ATXN7L1: variants seen among roughly 807,000 people sequenced by gnomAD.
ATXN7L1 encodes the protein ataxin 7 like 1, also known as ataxin-7-like protein 1.
In ATXN7L1, 15 loss-of-function variants were observed where a neutral mutation model predicts 70.8. The ratio of observed to expected loss-of-function variants is 0.21; its 90% CI spans 0.14 to 0.33. The LOEUF is 0.33. ATXN7L1 is among the 10% of genes least tolerant of loss of function. The pLI is 1.00. For synonymous variants in ATXN7L1, 440 were observed against 445.1 expected, an observed-to-expected ratio of 0.99 and a Z score of 0.14; for missense variants, 975 against 1,097.1, an observed-to-expected ratio of 0.89 and a Z score of 1.57.
At chr7:105,785,788 C>G (rs1171627494) in intron 3 of ATXN7L1, among the ~76,000 whole-genome samples, 1 of 152,108 alleles carries the variant, frequency 6.6e-6, no homozygotes, top group South Asian at 2.1e-4. Context: ...CTCTTTCCAC[C>G]ATGTGAGGAC....
rs573901930 is a variant in ATXN7L1, at chr7:105,822,173, C to T, written c.251-33465G>A. On this transcript the variant is annotated intron_variant, in intron 2 of 11. Coordinates refer to ENST00000419735, the MANE Select transcript of ATXN7L1 (RefSeq NM_020725.2). ...ATAATGTCAGCTGGGCACAGTGGCA[C>T]ACAGCTGTAGCTCCAGCTACTTGGG... 2.0e-5 allele frequency among the ~76,000 whole-genome samples: 3 copies of T among 152,320 alleles called. No individual in the cohort carries two copies. In the South Asian group the frequency reaches 6.2e-4, roughly 32 times the overall value.
In ATXN7L1 at chr7:105,605,406, G is replaced by A. The variant is rs2115678090; in HGVS notation, c.*2446C>T. ...ACTGTGGGCTTTCCCTTTTTGCCCAGTTTTCCAGAAATATCCTCACCTTGG... is the reference window on the plus strand; with the variant it reads ...ACTGTGGGCTTTCCCTTTTTGCCCAATTTTCCAGAAATATCCTCACCTTGG... On this transcript the variant is annotated 3_prime_UTR_variant, in exon 12 of 12. Coordinates refer to ENST00000419735, the MANE Select transcript of ATXN7L1 (RefSeq NM_020725.2). 1 of 139,878 alleles carries A rather than the reference G, an allele frequency of 7.1e-6. No homozygotes were observed. Among genetic ancestry groups the A allele is most frequent in the East Asian group, 2.2e-4 (1 of 4,588 alleles). 8.7% of individuals were successfully genotyped at this position (139,878 alleles called of 1,614,324 possible).
chr7:105,763,328 T>C (rs1197890408), intron 3 of ATXN7L1, among the ~76,000 whole-genome samples: 4 of 152,176 alleles, frequency 2.6e-5, no homozygotes, highest in African/African-American at 9.7e-5. Context: ...CCTCACAGTC[T>C]CAAGGACTCT....
chr7:105,862,020 T>C (rs1816714757), intron 2 of ATXN7L1, among the ~76,000 whole-genome samples: 1 of 152,056 alleles, frequency 6.6e-6, no homozygotes, highest in South Asian at 2.1e-4. Context: ...CTGCAAAAGA[T>C]GATGAGGAAG....
At chr7:105,772,142 C>T (rs1309993499) in intron 3 of ATXN7L1, among the ~76,000 whole-genome samples, 6 of 136,712 alleles carry the variant, frequency 4.4e-5, no homozygotes, top group Non-Finnish European at 6.0e-5. Flanking sequence ...GGCACGATCT[C>T]GGCTTACTGC....
At chr7:105,657,218 C>T (rs1393749200) in intron 4 of ATXN7L1, among the ~76,000 whole-genome samples, 2 of 152,152 alleles carry the variant, frequency 1.3e-5, no homozygotes, top group South Asian at 4.1e-4. Context: ...CCACCACAGA[C>T]CCAGCAGCAC....
intron 3 of ATXN7L1, among the ~76,000 whole-genome samples, chr7:105,692,863 A>G (rs1563010663): frequency 6.6e-6 from 1 of 151,468 alleles, no homozygotes; most frequent in Non-Finnish European, 1.5e-5. Flanking sequence ...TCAGCCTCCT[A>G]AGGAGCCGCA....
At position 105,638,371 on chromosome 7, in the gene ATXN7L1, G is replaced by T. The variant is rs1053345851; in HGVS notation, c.1184C>A (p.Pro395His). 6.4e-7 allele frequency: 1 copy of T among 1,551,852 alleles called. No homozygotes were observed. The highest frequency in any genetic ancestry group is 1.2e-5 in the South Asian group (1 of 84,042). Residue 395 changes from proline (P) to histidine (H), a missense_variant, in exon 7 of 12, where the codon CCC (proline) becomes CAC (histidine). Pro to His is a moderately conservative substitution (Grantham distance 77). Transcript: ENST00000419735. The part of the protein sequence containing the change: ...KVASPAKSRP[P>H]NSVLPRPSSA... ...TACTTACCTAGGAAGTACAGAGTTG[G>T]GTGGTCTGGATTTTGCAGGGGATGC...
At chr7:105,664,575 G>GTGTGTATGTGTGTATATATATA in intron 4 of ATXN7L1, among the ~76,000 whole-genome samples, 1 of 131,990 alleles carries the variant, frequency 7.6e-6, no homozygotes, top group African/African-American at 2.8e-5. Context: ...GTATGTGTGT[G>GTGTGTATGTGTGTATATATATA]TATATATATA....
intron 3 of ATXN7L1, among the ~76,000 whole-genome samples, chr7:105,734,015 C>A (rs185278231): frequency 7.9e-5 from 12 of 151,798 alleles, no homozygotes; most frequent in Admixed American, 1.3e-4. Flanking sequence ...CAAATTCCAG[C>A]CACTGCATAT....
chr7:105,700,935 G>A lies in ATXN7L1; in HGVS notation c.356-35647C>T, dbSNP rs1240325623. 3.3e-5 allele frequency among the ~76,000 whole-genome samples: 5 copies of A among 152,138 alleles called. No individual in the cohort carries two copies. In the East Asian group the frequency reaches 5.8e-4, roughly 18 times the overall value. On this transcript the variant is annotated intron_variant, in intron 3 of 11. Coordinates refer to ENST00000419735, the MANE Select transcript of ATXN7L1 (RefSeq NM_020725.2). ...GAGTTCAAGTGATCTGCCTGCCTTC[G>A]TCTCCCAAAGTGCTGGGATTATAGG...
intron 2 of ATXN7L1, among the ~76,000 whole-genome samples, chr7:105,850,343 G>A (rs752936249): frequency 6.6e-6 from 1 of 152,186 alleles, no homozygotes; most frequent in African/African-American, 2.4e-5. Context: ...CACAGGAGAG[G>A]ACCATGAGGA....
intron 3 of ATXN7L1, chr7:105,679,193 A>T (rs1251974411): frequency 5.2e-6 from 5 of 956,512 alleles, no homozygotes; most frequent in Non-Finnish European, 6.2e-6. Flanking sequence ...TTAAGAGAGC[A>T]CGCCCAGACG....
At chr7:105,741,633 T>C (rs1798030642) in intron 3 of ATXN7L1, among the ~76,000 whole-genome samples, 1 of 152,108 alleles carries the variant, frequency 6.6e-6, no homozygotes, top group Admixed American at 6.5e-5. Context: ...GGAGGAATTG[T>C]GAGTTTTATG....
intron 3 of ATXN7L1, among the ~76,000 whole-genome samples, chr7:105,748,434 C>G (rs1485267701): frequency 6.6e-6 from 1 of 152,116 alleles, no homozygotes; most frequent in Non-Finnish European, 1.5e-5. Flanking sequence ...TAGATCCGAC[C>G]ATCTTAGGGA....
intron 3 of ATXN7L1, among the ~76,000 whole-genome samples, chr7:105,705,433 A>C (rs182939310): frequency 1.3e-5 from 2 of 152,252 alleles, no homozygotes; most frequent in Non-Finnish European, 2.9e-5. Flanking sequence ...TTGGGGGAAA[A>C]ACTAGATGGA....
intron 1 of ATXN7L1, 57 bp from the exon 2 acceptor site, chr7:105,875,937 C>T: frequency 6.6e-7 from 1 of 1,510,218 alleles, no homozygotes; most frequent in Non-Finnish European, 9.2e-7. Context: ...GGGAAAAAAG[C>T]CAAAGTCAAG....
chr7:105,625,395 C>T (rs28758917), intron 7 of ATXN7L1, among the ~76,000 whole-genome samples: 26,236 of 151,962 alleles, frequency 0.17, 2,391 homozygotes, highest in Middle Eastern at 0.24. Context: ...GGATTACAGG[C>T]GCACACCACC....
intron 7 of ATXN7L1, among the ~76,000 whole-genome samples, chr7:105,627,896 G>A (rs1287153595): frequency 1.4e-5 from 2 of 139,778 alleles, no homozygotes; most frequent in African/African-American, 5.4e-5. Context: ...CCAGGCTGGA[G>A]TGCAGTGGCA....
Sources: gnomAD v4.1 joint callset for allele counts (sites outside exome capture counted in the v4.1 genomes callset) on GRCh38, gnomAD v4.1.1 for gene constraint, MANE v1.5 for transcripts, NCBI Gene and HGNC (gene_info 2026-07-23, HGNC 2026-07-21) for gene names.